Variants in NAPEPLD observed in about 807,000 individuals in gnomAD.
NAPEPLD encodes the protein N-acyl phosphatidylethanolamine phospholipase D.
In NAPEPLD, 23 loss-of-function variants were observed where a neutral mutation model predicts 38.1. The ratio of observed to expected loss-of-function variants is 0.60; its 90% CI spans 0.43 to 0.86. NAPEPLD has a LOEUF of 0.86. Among genes scored for constraint, NAPEPLD ranks in the 40% least tolerant of loss-of-function variants. The probability of loss-of-function intolerance (pLI) is 0.00; values close to 1 mark genes in which losing one functional copy is unlikely to be tolerated. For missense variants in NAPEPLD, 411 were observed against 476.8 expected (o/e 0.86, Z 1.28); for synonymous variants, 147 against 162.0 (o/e 0.91, Z 0.71).
rs756298869 is a variant in NAPEPLD, at chr7:103,103,507, G to A, written c.1104C>T (p.Tyr368=). ...PVKLNEALER[Y]GLNAEDFFVL... ...CAAAAAAATCTTCAGCGTTAAGTCC[G>A]TATCTCTCTAGAGCTTCATTCAGCT... is the stretch of plus-strand genomic sequence containing the variant. The change falls in exon 5 of 5, where the codon TAC becomes TAT. Residue 368 remains tyrosine (Y), a synonymous_variant. Transcript: ENST00000465647. The A allele has an allele frequency of 1.9e-5, 30 of 1,599,372 alleles. No individual in the cohort carries two copies. The South Asian group carries it at 2.1e-4, about 11-fold the overall frequency.
chr7:103,136,302 T>C (rs1810044816), intron 1 of NAPEPLD, among the ~76,000 whole-genome samples: 1 of 149,870 alleles, frequency 6.7e-6, no homozygotes. Context: ...CTGGGAGCAG[T>C]GGCTCACACC....
At chr7:103,141,946 A>G (rs1861726) in intron 1 of NAPEPLD, 856,080 of 873,914 alleles carry the variant, frequency 0.98, 421,146 homozygotes, top group East Asian at 1. Flanking sequence ...TCAAGGCTGC[A>G]GCCACAGCAG....
At chr7:103,124,384 G>C (rs1031448672) in intron 2 of NAPEPLD, among the ~76,000 whole-genome samples, 3 of 151,988 alleles carry the variant, frequency 2.0e-5, no homozygotes, top group African/African-American at 7.2e-5. Flanking sequence ...CTTGAACCCA[G>C]GAGGCGAAGG....
intron 4 of NAPEPLD, among the ~76,000 whole-genome samples, chr7:103,108,433 G>A (rs1293966339): frequency 6.6e-6 from 1 of 152,134 alleles, no homozygotes; most frequent in African/African-American, 2.4e-5. Flanking sequence ...GAGCCACCAC[G>A]CCCAGCTCAA....
rs537075127 is a variant in NAPEPLD, at chr7:103,110,249, T to G, written c.1056+4811A>C. On this transcript the variant is annotated intron_variant, in intron 4 of 4. Transcript: ENST00000465647. Reference sequence around the variant, plus strand: ...CCACCATCATCCTGATACCAAAACCTGGCAGAGATTCCAAAACCTGGCAGA... The same window carrying G: ...CCACCATCATCCTGATACCAAAACCGGGCAGAGATTCCAAAACCTGGCAGA... Among the ~76,000 whole-genome samples, 4 of 152,202 alleles carry G rather than the reference T, an allele frequency of 2.6e-5. No homozygotes were observed. The South Asian group carries it at 8.3e-4, about 32-fold the overall frequency.
At chr7:103,107,734 A>G (rs1261039474) in intron 4 of NAPEPLD, among the ~76,000 whole-genome samples, 1 of 129,670 alleles carries the variant, frequency 7.7e-6, no homozygotes, top group Non-Finnish European at 1.6e-5. Flanking sequence ...AAAGACTCCA[A>G]GAAATATGTG....
At chr7:103,127,983 C>G (rs1178510583) in intron 2 of NAPEPLD, 3 of 153,572 alleles carry the variant, frequency 2.0e-5, no homozygotes, top group Non-Finnish European at 4.3e-5. Context: ...TCATCTGAAG[C>G]TCCCTTTCAC....
intron 1 of NAPEPLD, among the ~76,000 whole-genome samples, chr7:103,146,547 A>C (rs1563376774): frequency 6.6e-6 from 1 of 152,230 alleles, no homozygotes; most frequent in Non-Finnish European, 1.5e-5. Flanking sequence ...TGCACCTTCA[A>C]GGGGAAAAAT....
At chr7:103,141,886 G>T in intron 1 of NAPEPLD, 1 of 1,025,196 alleles carries the variant, frequency 9.8e-7, no homozygotes, top group Non-Finnish European at 1.6e-6. Context: ...TATTCTTCTT[G>T]CCACAGCAGA....
intron 1 of NAPEPLD, 28 bp from the exon 2 acceptor site, chr7:103,128,820 G>C: frequency 6.3e-7 from 1 of 1,578,662 alleles, no homozygotes; most frequent in Non-Finnish European, 8.6e-7. Context: ...GAAAAATACT[G>C]AGTTGAACAT....
intron 1 of NAPEPLD, among the ~76,000 whole-genome samples, chr7:103,144,529 T>C (rs1812155979): frequency 6.6e-6 from 1 of 152,164 alleles, no homozygotes; most frequent in Non-Finnish European, 1.5e-5. Flanking sequence ...AAAATACACA[T>C]GGTACCTTGA....
At chr7:103,119,361 T>C (rs1265971256) in intron 3 of NAPEPLD, among the ~76,000 whole-genome samples, 1 of 152,114 alleles carries the variant, frequency 6.6e-6, no homozygotes, top group Non-Finnish European at 1.5e-5. Flanking sequence ...TTGCACACCA[T>C]ATACACAATT....
intron 4 of NAPEPLD, among the ~76,000 whole-genome samples, chr7:103,110,185 T>A (rs962882535): frequency 1.3e-5 from 2 of 151,898 alleles, no homozygotes; most frequent in Admixed American, 1.3e-4. Context: ...TTCCAAACAA[T>A]AGAAAAAGAG....
Position 103,103,036 on chromosome 7 carries a change from A to T in NAPEPLD, c.*393T>A, listed in dbSNP as rs559835985. The T allele has an allele frequency of 1.3e-5, 2 of 154,016 alleles. No individual in the cohort carries two copies. Among genetic ancestry groups the T allele is most frequent in the African/African-American group, 4.8e-5 (2 of 41,630 alleles). 9.5% of individuals were successfully genotyped at this position (154,016 alleles called of 1,614,324 possible). A position where few individuals can be genotyped will look rare whatever the true frequency, so the allele number is the denominator to read the frequency against. ...CTCTGAAAAACATCTAGGTAGGTAGAGAGCCTTGACTCACCTTGCCGAAGG... is the reference window on the plus strand; with the variant it reads ...CTCTGAAAAACATCTAGGTAGGTAGTGAGCCTTGACTCACCTTGCCGAAGG... On this transcript the variant is annotated 3_prime_UTR_variant, in exon 5 of 5. Transcript: ENST00000465647.
rs1813195098 is a variant in NAPEPLD at position 103,149,056 on chromosome 7, C to G, written c.-262G>C. 4.1e-6 allele frequency: 4 copies of G among 985,298 alleles called. No homozygotes were observed. Among genetic ancestry groups the G allele is most frequent in the African/African-American group, 3.5e-5 (2 of 57,218 alleles). The allele number at this position is 985,298 out of a possible 1,614,324, so 61.0% of individuals were successfully genotyped here. ...ACGGGAAACCCACTCTCAGCCCGCT[C>G]CACTTCGCCGAAGAATTCCAAACCA... is the stretch of plus-strand genomic sequence containing the variant. On this transcript the variant is annotated 5_prime_UTR_variant, in exon 1 of 5. Coordinates refer to ENST00000465647, the MANE Select transcript of NAPEPLD (RefSeq NM_001122838.3).
chr7:103,132,669 C>T (rs979735725), intron 1 of NAPEPLD, among the ~76,000 whole-genome samples: 1 of 152,020 alleles, frequency 6.6e-6, no homozygotes, highest in African/African-American at 2.4e-5. Flanking sequence ...TGTGGTGTTG[C>T]AGGCCTGTAG....
chr7:103,134,676 GTTC>G (rs1420624028), intron 1 of NAPEPLD, among the ~76,000 whole-genome samples: 1 of 152,000 alleles, frequency 6.6e-6, no homozygotes, highest in Admixed American at 6.6e-5. Context: ...TAAAACAAAT[GTTC>G]TTTTTTAAAG....
intron 1 of NAPEPLD, among the ~76,000 whole-genome samples, chr7:103,147,638 A>G (rs1302260415): frequency 1.3e-5 from 2 of 152,224 alleles, no homozygotes; most frequent in African/African-American, 2.4e-5. Context: ...TGTATCAACT[A>G]AAGTATAACC....
upstream of NAPEPLD, chr7:103,149,341 C>G: frequency 1.7e-6 from 2 of 1,150,696 alleles, no homozygotes; most frequent in Non-Finnish European, 2.2e-6. Flanking sequence ...GCCACAGAGT[C>G]CCCGCGCAAA....
Sources: allele counts gnomAD v4.1 joint callset (sites outside exome capture counted in the v4.1 genomes callset), GRCh38; gene constraint gnomAD v4.1.1; transcripts MANE v1.5; gene names NCBI Gene and HGNC (gene_info 2026-07-23, HGNC 2026-07-21).